The following NCAN variants were observed in gnomAD, a reference collection of about 807,000 sequenced individuals.
The protein encoded by NCAN is neurocan core protein.
A neutral mutation model predicts 121.8 loss-of-function variants in NCAN; 47 were observed. The observed-to-expected ratio is 0.39, with a 90% confidence interval of 0.31 to 0.49. The LOEUF (loss-of-function observed/expected upper bound fraction) is 0.49. Ranked by LOEUF, NCAN falls within the 20% of genes least tolerant of loss-of-function variation. The pLI, the probability that NCAN is intolerant of heterozygous loss-of-function variation, is 0.92. For missense variants in NCAN, 1,517 were observed against 1,773.4 expected (o/e 0.86, Z 2.60); for synonymous variants, 633 against 702.0 (o/e 0.90, Z 1.55).
intron 3 of NCAN, among the ~76,000 whole-genome samples, chr19:19,220,744 C>T (rs1390825208): frequency 6.6e-6 from 1 of 152,080 alleles, no homozygotes; most frequent in African/African-American, 2.4e-5. Flanking sequence ...AGGCATGAGC[C>T]ACCGCACCTG....
intron 12 of NCAN, among the ~76,000 whole-genome samples, chr19:19,241,608 G>T (rs940648235): frequency 6.6e-6 from 1 of 151,554 alleles, no homozygotes; most frequent in African/African-American, 2.4e-5. Context: ...AAGCTGAGGC[G>T]GGAGGATCAC....
intron 12 of NCAN, among the ~76,000 whole-genome samples, chr19:19,242,460 C>T (rs1213897113): frequency 1.3e-5 from 2 of 151,750 alleles, no homozygotes; most frequent in Non-Finnish European, 2.9e-5. Flanking sequence ...GAGGTCGAGG[C>T]GAGTGGATCA....
At chr19:19,235,165 C>G (rs753575016) in intron 10 of NCAN, 69 bp downstream of exon 10, 31 of 945,006 alleles carry the variant, frequency 3.3e-5, no homozygotes, top group Non-Finnish European at 4.7e-5. Context: ...CAGGCTTCCC[C>G]ACATACTCCA....
intron 12 of NCAN, among the ~76,000 whole-genome samples, chr19:19,243,756 G>A (rs188687045): frequency 2.1e-3 from 325 of 151,994 alleles, no homozygotes; most frequent in Non-Finnish European, 4.0e-3. Flanking sequence ...GGCCAGGTGC[G>A]GTGGCTCACG....
chr19:19,246,596 C>T (rs1219814841), intron 13 of NCAN, among the ~76,000 whole-genome samples: 1 of 151,878 alleles, frequency 6.6e-6, no homozygotes, highest in Non-Finnish European at 1.5e-5. Context: ...TGCAGTATTG[C>T]AGTCTCGGCT....
At chr19:19,235,726 G>A (rs550430071) in intron 10 of NCAN, among the ~76,000 whole-genome samples, 31 of 151,702 alleles carry the variant, frequency 2.0e-4, no homozygotes, top group African/African-American at 6.5e-4. Context: ...ACAGGCACAC[G>A]CCACCACGCC....
rs1162467543 is a variant in NCAN, at chr19:19,227,724, A to G, written c.2104A>G (p.Arg702Gly). 1 of 1,613,872 alleles carries G rather than the reference A, an allele frequency of 6.2e-7. No individual in the cohort carries two copies. The highest frequency in any genetic ancestry group is 8.5e-7 in the Non-Finnish European group (1 of 1,180,006). The change falls in exon 8 of 15, where the codon AGG becomes GGG. Residue 702 changes from arginine to glycine, a missense_variant. By Grantham distance (125) the Arg-to-Gly change is moderately radical. Transcript: ENST00000252575. The surrounding 1 kb of genome is among the most constrained non-coding windows in gnomAD (Gnocchi z 4.2). Reference sequence around the variant, plus strand: ...CATGCCCACAACACCTGAGTCCCCCAGGGCAGACTTCAGAGAAACTGGGGA... The same window carrying G: ...CATGCCCACAACACCTGAGTCCCCCGGGGCAGACTTCAGAGAAACTGGGGA... ...EAMPTTPESPRADFRETGETS... is the reference protein window; with the variant it reads ...EAMPTTPESPGADFRETGETS...
At chr19:19,218,209 C>G (rs994506753) in intron 2 of NCAN, among the ~76,000 whole-genome samples, 4 of 151,648 alleles carry the variant, frequency 2.6e-5, no homozygotes, top group Non-Finnish European at 5.9e-5. Context: ...ACTTAGGAGG[C>G]AGAGGTTGCA....
rs560601760 is a variant in NCAN, at chr19:19,231,330, C to CTTT, written c.3020-2445_3020-2443dup. On this transcript the variant is annotated intron_variant, in intron 8 of 14. Transcript: ENST00000252575. ...TCCAGGTCATCTGAACATGGGGTTT[C>CTTT]TTTTTTTTTTTTTTTTGAGAGAGAG... 3.2e-4 allele frequency among the ~76,000 whole-genome samples: 43 copies of CTTT among 134,764 alleles called. No individual in the cohort carries two copies. In the South Asian group the frequency reaches 3.4e-3, roughly 11 times the overall value. 88.4% of individuals were successfully genotyped at this position (134,764 alleles called of 152,430 possible).
At chr19:19,215,165 AG>A (rs1568592716) in intron 1 of NCAN, among the ~76,000 whole-genome samples, 1 of 152,164 alleles carries the variant, frequency 6.6e-6, no homozygotes, top group Non-Finnish European at 1.5e-5. Flanking sequence ...GCCTCCCAGC[AG>A]GGGACTCTGG....
At chr19:19,229,813 C>T (rs2146545481) in intron 8 of NCAN, among the ~76,000 whole-genome samples, 1 of 152,264 alleles carries the variant, frequency 6.6e-6, no homozygotes, top group African/African-American at 2.4e-5. Context: ...TGTGATGGCT[C>T]ATGCCTGTCA....
Position 19,233,925 on chromosome 19 carries a change from G to C in NCAN, c.3136+20G>C. On this transcript the variant is annotated intron_variant, in intron 9 of 14. Coordinates refer to ENST00000252575, the MANE Select transcript of NCAN (RefSeq NM_004386.3). ...AGATTGGTGAGTACCCCAGACTCAG[G>C]ATCTGAATCTGAATTTGTTTGACTC... 6.8e-7 allele frequency: 1 copy of C among 1,473,694 alleles called. No individual in the cohort carries two copies. The highest frequency in any genetic ancestry group is 1.1e-5 in the South Asian group (1 of 88,244). 91.3% of individuals were successfully genotyped at this position (1,473,694 alleles called of 1,614,324 possible). A position where few individuals can be genotyped will look rare whatever the true frequency, so the allele number is the denominator to read the frequency against.
At chr19:19,238,788 A>G in intron 11 of NCAN, 3 of 333,992 alleles carry the variant, frequency 9.0e-6, no homozygotes, top group South Asian at 7.6e-5. Context: ...TCTATACTGT[A>G]ATTCAACAGA....
In NCAN at chr19:19,224,186, G is replaced by T. The variant is rs112606625; in HGVS notation, c.641G>T (p.Arg214Leu). 1.3e-5 allele frequency: 21 copies of T among 1,589,832 alleles called. No homozygotes were observed. Among genetic ancestry groups the T allele is most frequent in the African/African-American group, 1.1e-4 (8 of 74,530 alleles). The change falls in exon 4 of 15, where the codon CGC (arginine) becomes CTC (leucine). Residue 214 changes from arginine to leucine, a missense_variant. Transcript: ENST00000252575. ...TGTGATGCTGGCTGGCTCTCTGACC[G>T]CACTGTTCGGTGAGGGGGATACACA... Reference protein sequence around the residue: ...DNCDAGWLSDRTVRYPITQSR... With the variant: ...DNCDAGWLSDLTVRYPITQSR...
Position 19,219,176 on chromosome 19 carries a change from C to T in NCAN, c.335C>T (p.Ser112Leu). ...RVAKSWQGRV[S>L]LPSYPRRRAN... ...GCCAAAAGCTGGCAGGGACGAGTGTCACTGCCTTCCTACCCCCGGCGCCGA... is the reference window on the plus strand; with the variant it reads ...GCCAAAAGCTGGCAGGGACGAGTGTTACTGCCTTCCTACCCCCGGCGCCGA... The change falls in exon 3 of 15, where the codon TCA (serine) becomes TTA (leucine). Residue 112 changes from serine (S) to leucine (L), a missense_variant. Transcript: ENST00000252575. 2 of 1,613,198 alleles carry T rather than the reference C, an allele frequency of 1.2e-6. No individual in the cohort carries two copies. Among genetic ancestry groups the T allele is most frequent in the Non-Finnish European group, 1.7e-6 (2 of 1,180,016 alleles).
chr19:19,225,327 GT>G lies in NCAN; in HGVS notation c.1072+58del. ...GGGCTTTCACTTTGGCGAAGGCCAC[GT>G]CCCTGAAAGCCTCGCCAAGCCAAGG... On this transcript the variant is annotated intron_variant, in intron 6 of 14. Transcript: ENST00000252575. The surrounding 1 kb of genome is among the most constrained non-coding windows in gnomAD (Gnocchi z 4.0). 6.9e-7 allele frequency: 1 copy of G among 1,452,072 alleles called. No individual in the cohort carries two copies. 89.9% of individuals were successfully genotyped at this position (1,452,072 alleles called of 1,614,324 possible).
At chr19:19,239,202 C>A (rs2060892783) in intron 11 of NCAN, among the ~76,000 whole-genome samples, 1 of 152,076 alleles carries the variant, frequency 6.6e-6, no homozygotes, top group African/African-American at 2.4e-5. Flanking sequence ...TGGCCACAAA[C>A]CCTGGGATAG....
intron 8 of NCAN, among the ~76,000 whole-genome samples, chr19:19,229,933 G>A (rs1455220513): frequency 6.6e-6 from 1 of 152,212 alleles, no homozygotes; most frequent in Non-Finnish European, 1.5e-5. Context: ...AAAGAAATTA[G>A]CCAGGCTGCA....
intron 5 of NCAN, among the ~76,000 whole-genome samples, 183 bp downstream of exon 5, chr19:19,224,616 T>G (rs1375323362): frequency 7.3e-6 from 1 of 137,308 alleles, no homozygotes; most frequent in East Asian, 2.3e-4. Context: ...TCCCCCTCCC[T>G]CCCTTTGCCC....
Sources: gnomAD v4.1 joint callset for allele counts (sites outside exome capture counted in the v4.1 genomes callset) on GRCh38, gnomAD v4.1.1 for gene constraint, Gnocchi (gnomAD v3.1) non-coding constraint, MANE v1.5 for transcripts, NCBI Gene and HGNC (gene_info 2026-07-23, HGNC 2026-07-21) for gene names.